CSMD3: variants seen among roughly 807,000 people sequenced by gnomAD.
The protein encoded by CSMD3 is CUB and sushi domain-containing protein 3.
CSMD3 carries 177 observed loss-of-function variants against 435.2 expected under a neutral mutation model. The ratio of observed to expected loss-of-function variants is 0.41; its 90% CI spans 0.36 to 0.46. CSMD3 has a LOEUF of 0.46. CSMD3 is among the 20% of genes least tolerant of loss of function. The pLI, the probability that CSMD3 is intolerant of heterozygous loss-of-function variation, is 0.34. For synonymous variants in CSMD3, 1,656 were observed against 1,520.5 expected, an observed-to-expected ratio of 1.09 and a Z score of -2.07; for missense variants, 4,265 against 4,504.6, an observed-to-expected ratio of 0.95 and a Z score of 1.52.
At chr8:112,278,155 A>G (rs1818266794) in intron 59 of CSMD3, among the ~76,000 whole-genome samples, 1 of 152,170 alleles carries the variant, frequency 6.6e-6, no homozygotes, top group Admixed American at 6.5e-5. Flanking sequence ...TTAGGCAACC[A>G]CAGAGCAACT....
intron 24 of CSMD3, among the ~76,000 whole-genome samples, chr8:112,572,160 T>A (rs1404025209): frequency 6.6e-6 from 1 of 152,106 alleles, no homozygotes; most frequent in Non-Finnish European, 1.5e-5. Context: ...TATTGCTCAA[T>A]ATCATTACTT....
intron 49 of CSMD3, among the ~76,000 whole-genome samples, chr8:112,312,013 A>G (rs1400315915): frequency 6.6e-6 from 1 of 152,278 alleles, no homozygotes; most frequent in East Asian, 1.9e-4. Context: ...ATTAATATCC[A>G]ACTTTGTCAT....
At chr8:113,079,938 T>C (rs577934135) in intron 5 of CSMD3, among the ~76,000 whole-genome samples, 1 of 138,818 alleles carries the variant, frequency 7.2e-6, no homozygotes, top group South Asian at 2.1e-4. Context: ...TTTTAAATGT[T>C]TGTTTGTTTG....
intron 17 of CSMD3, among the ~76,000 whole-genome samples, 189 bp downstream of exon 17, chr8:112,666,088 T>G (rs2131705343): frequency 6.6e-6 from 1 of 152,238 alleles, no homozygotes; most frequent in Admixed American, 6.6e-5. Context: ...GATACAGCAT[T>G]ACACAAATAG....
chr8:112,231,324 T>A (rs1813065203), intron 69 of CSMD3, among the ~76,000 whole-genome samples: 1 of 152,212 alleles, frequency 6.6e-6, no homozygotes, highest in Admixed American at 6.5e-5. Context: ...TTATTAGAAA[T>A]ACCATGAAAA....
chr8:112,455,924 G>A (rs549982232), intron 32 of CSMD3, among the ~76,000 whole-genome samples: 60 of 152,048 alleles, frequency 3.9e-4, no homozygotes, highest in African/African-American at 1.4e-3. Context: ...TTTTGAAAAT[G>A]CTGCTGGAAG....
chr8:112,360,106 T>C (rs1440616642), intron 38 of CSMD3, among the ~76,000 whole-genome samples: 1 of 152,052 alleles, frequency 6.6e-6, no homozygotes, highest in Non-Finnish European at 1.5e-5. Context: ...GCTTTGTCTA[T>C]ACAATTTCAC....
chr8:112,436,202 G>A (rs55847695), intron 32 of CSMD3, among the ~76,000 whole-genome samples: 28,156 of 151,630 alleles, frequency 0.19, 3,200 homozygotes, highest in Middle Eastern at 0.36. Flanking sequence ...ATTCCTAAAT[G>A]GCTTATCCTA....
intron 35 of CSMD3, among the ~76,000 whole-genome samples, chr8:112,399,527 T>C (rs1831139811): frequency 6.6e-6 from 1 of 152,164 alleles, no homozygotes; most frequent in Admixed American, 6.5e-5. Flanking sequence ...AGTACTGGGA[T>C]TACAGTTGTG....
intron 32 of CSMD3, among the ~76,000 whole-genome samples, chr8:112,426,136 A>T (rs1409764219): frequency 6.6e-6 from 1 of 152,198 alleles, no homozygotes; most frequent in Non-Finnish European, 1.5e-5. Flanking sequence ...GTTTCAAATC[A>T]TTAAAACTTT....
At chr8:113,411,387 T>C (rs1210098953) in intron 1 of CSMD3, among the ~76,000 whole-genome samples, 1 of 152,222 alleles carries the variant, frequency 6.6e-6, no homozygotes, top group Non-Finnish European at 1.5e-5. Flanking sequence ...CAAATTCTTT[T>C]CTGACTTGTG....
At chr8:113,253,471 G>GT (rs915342094) in intron 3 of CSMD3, among the ~76,000 whole-genome samples, 36 of 147,776 alleles carry the variant, frequency 2.4e-4, no homozygotes, top group South Asian at 6.4e-4. Context: ...ATTTAAAACT[G>GT]TTTTTTTTTT....
rs569042959 is a variant in CSMD3 at position 112,596,199 on chromosome 8, A to T, written c.3716-8964T>A. Among the ~76,000 whole-genome samples the T allele has an allele frequency of 2.7e-5, 4 of 150,184 alleles. No homozygotes were observed. The South Asian group carries it at 8.4e-4, about 31-fold the overall frequency. ...TACCAAGCAATTGGAAAACAAAAAA[A>T]GGCAGGGGTTGCAATCCTAGTCTCT... On this transcript the variant is annotated intron_variant, in intron 22 of 70. Transcript: ENST00000297405.
At position 112,637,022 on chromosome 8, in the gene CSMD3, A is replaced by C. The variant is rs1468383768; in HGVS notation, c.3527-17T>G. The C allele has an allele frequency of 1.2e-6, 2 of 1,607,112 alleles. No individual in the cohort carries two copies. The highest frequency in any genetic ancestry group is 3.3e-5 in the Admixed American group (2 of 59,926). The stretch of plus-strand genomic sequence containing the variant: ...GGTTATATTCTGTAAATTAGAGAGA[A>C]AAATTTCCCCGCGGGGGAGGAAAGG... On this transcript the variant is annotated splice_polypyrimidine_tract_variant and intron_variant, in intron 21 of 70. Transcript: ENST00000297405.
intron 68 of CSMD3, 66 bp downstream of exon 68, chr8:112,234,299 C>T: frequency 9.6e-7 from 1 of 1,040,614 alleles, no homozygotes; most frequent in Non-Finnish European, 1.5e-6. Flanking sequence ...GAAAACTCTC[C>T]TTTCCTGGAC....
intron 12 of CSMD3, among the ~76,000 whole-genome samples, chr8:112,810,059 T>A (rs937970522): frequency 7.2e-5 from 11 of 152,100 alleles, no homozygotes; most frequent in African/African-American, 2.7e-4. Context: ...TTAAAAACCC[T>A]CCCACTTTTT....
At chr8:112,367,873 G>A (rs961087623) in intron 38 of CSMD3, among the ~76,000 whole-genome samples, 1 of 152,122 alleles carries the variant, frequency 6.6e-6, no homozygotes, top group Non-Finnish European at 1.5e-5. Flanking sequence ...AGCTATGTGG[G>A]TTTATCTCAT....
intron 24 of CSMD3, among the ~76,000 whole-genome samples, chr8:112,566,769 C>T (rs1829094963): frequency 6.6e-6 from 1 of 152,064 alleles, no homozygotes; most frequent in Non-Finnish European, 1.5e-5. Context: ...GAGAAGGCAA[C>T]ATGGTGCAGG....
chr8:112,642,565 T>C (rs1331765545), intron 20 of CSMD3, among the ~76,000 whole-genome samples: 1 of 152,152 alleles, frequency 6.6e-6, no homozygotes, highest in Non-Finnish European at 1.5e-5. Context: ...TATAAACCCT[T>C]AAAATACTAA....
Sources: gnomAD v4.1 joint callset for allele counts (sites outside exome capture counted in the v4.1 genomes callset) on GRCh38, gnomAD v4.1.1 for gene constraint, MANE v1.5 for transcripts, NCBI Gene and HGNC (gene_info 2026-07-23, HGNC 2026-07-21) for gene names.